DNAAF1: variants seen among roughly 807,000 people sequenced by gnomAD.
DNAAF1 encodes dynein assembly factor 1, axonemal.
A neutral mutation model predicts 71.1 loss-of-function variants in DNAAF1; 65 were observed. That is an observed-to-expected ratio of 0.91 (90% CI 0.75 to 1.12). The LOEUF (loss-of-function observed/expected upper bound fraction) is 1.12. Among genes scored for constraint, DNAAF1 ranks in the 50% most tolerant of loss-of-function variants. DNAAF1 has a pLI of 0.00. For synonymous variants in DNAAF1, 414 were observed against 354.6 expected, an observed-to-expected ratio of 1.17 and a Z score of -1.88; for missense variants, 1,178 against 899.8, an observed-to-expected ratio of 1.31 and a Z score of -3.96.
intron 9 of DNAAF1, chr16:84,173,496 T>C: frequency 1.0e-6 from 1 of 982,752 alleles, no homozygotes. Flanking sequence ...GTGATCACGG[T>C]CAGAATTCAC....
At chr16:84,162,594 GC>G (rs2087765638) in intron 6 of DNAAF1, among the ~76,000 whole-genome samples, 1 of 151,852 alleles carries the variant, frequency 6.6e-6, no homozygotes, top group African/African-American at 2.4e-5. Context: ...GCGGGGGCGG[GC>G]AGATCACCAG....
intron 2 of DNAAF1, 38 bp downstream of exon 2, chr16:84,149,180 A>C: frequency 6.2e-7 from 1 of 1,613,140 alleles, no homozygotes; most frequent in South Asian, 1.1e-5. Context: ...ACATTTATGG[A>C]GTAAGGTAGA....
chr16:84,150,821 C>T (rs1207046323), intron 3 of DNAAF1, among the ~76,000 whole-genome samples: 1 of 152,096 alleles, frequency 6.6e-6, no homozygotes, highest in Non-Finnish European at 1.5e-5. Context: ...GCCATGTTGG[C>T]CATTCTGGTC....
At chr16:84,152,176 G>A (rs1393934834) in intron 3 of DNAAF1, among the ~76,000 whole-genome samples, 1 of 152,170 alleles carries the variant, frequency 6.6e-6, no homozygotes, top group Non-Finnish European at 1.5e-5. Flanking sequence ...TGGGATCCAG[G>A]GGAGAGCAAC....
chr16:84,154,486 C>T lies in DNAAF1; in HGVS notation c.353-91C>T, dbSNP rs186806174. On this transcript the variant is annotated intron_variant, in intron 3 of 11. Coordinates refer to ENST00000378553, the MANE Select transcript of DNAAF1 (RefSeq NM_178452.6). ...TGAATTTTGAAGGGACACAGACATT[C>T]AGTTCCTAATAGTAGGCAAAAACAA... is the stretch of plus-strand genomic sequence containing the variant. 73 of 1,070,870 alleles carry T rather than the reference C, an allele frequency of 6.8e-5. No homozygotes were observed. The African/African-American group carries it at 1.1e-3, about 15-fold the overall frequency. The allele number at this position is 1,070,870 out of a possible 1,614,324, so 66.3% of individuals were successfully genotyped here. A position where few individuals can be genotyped will look rare whatever the true frequency, so the allele number is the denominator to read the frequency against.
intron 1 of DNAAF1, among the ~76,000 whole-genome samples, chr16:84,147,059 G>A (rs1313490336): frequency 6.6e-6 from 1 of 152,132 alleles, no homozygotes; most frequent in Non-Finnish European, 1.5e-5. Flanking sequence ...TATGGCTGTT[G>A]GCCCAGAGCT....
chr16:84,161,240 G>A (rs1029698520), intron 6 of DNAAF1, among the ~76,000 whole-genome samples: 20 of 152,212 alleles, frequency 1.3e-4, no homozygotes, highest in African/African-American at 4.8e-4. Context: ...GGGCTCCTAG[G>A]AGTGAACCAG....
chr16:84,163,377 C>T (rs7359438), intron 6 of DNAAF1, among the ~76,000 whole-genome samples: 2 of 131,768 alleles, frequency 1.5e-5, no homozygotes, highest in Non-Finnish European at 3.3e-5. Context: ...CTCTCTCTCT[C>T]TTTTTCTTTT....
rs753194279 is a variant in DNAAF1 at position 84,165,897 on chromosome 16, G to T, written c.978G>T (p.Met326Ile). The T allele has an allele frequency of 4.3e-6, 7 of 1,613,548 alleles. No individual in the cohort carries two copies. In the African/African-American group the frequency reaches 8.0e-5, roughly 18 times the overall value. The change falls in exon 7 of 12, where the codon ATG becomes ATT. Residue 326 changes from methionine (M) to isoleucine (I), a missense_variant. Coordinates refer to ENST00000378553, the MANE Select transcript of DNAAF1 (RefSeq NM_178452.6). ...KITDSIEALA[M>I]IKQRAEERKR... The stretch of plus-strand genomic sequence containing the variant: ...CAGACAGCATTGAAGCCTTGGCCAT[G>T]ATCAAGCAGCGGGCAGAGGAGAGGA...
intron 2 of DNAAF1, among the ~76,000 whole-genome samples, chr16:84,149,666 G>A (rs890515213): frequency 1.7e-4 from 25 of 145,610 alleles, no homozygotes; most frequent in African/African-American, 4.9e-4. Flanking sequence ...ACTCCAGCCC[G>A]GGCGGCAGAG....
chr16:84,149,100 A>T lies in DNAAF1; in HGVS notation c.218A>T (p.His73Leu), dbSNP rs2087061568. The T allele has an allele frequency of 2.4e-5, 38 of 1,614,160 alleles. No individual in the cohort carries two copies. Among genetic ancestry groups the T allele is most frequent in the Non-Finnish European group, 3.2e-5 (38 of 1,180,042 alleles). Residue 73 changes from histidine (H) to leucine (L), a missense_variant, in exon 2 of 12, where the codon CAC becomes CTC. Coordinates refer to ENST00000378553, the MANE Select transcript of DNAAF1 (RefSeq NM_178452.6). ...KQSGDNGSGG[H>L]FAHPREDRED... ...AGTGGTGATAATGGGTCAGGTGGTCACTTCGCACACCCAAGAGAAGACAGG... is the reference window on the plus strand; with the variant it reads ...AGTGGTGATAATGGGTCAGGTGGTCTCTTCGCACACCCAAGAGAAGACAGG...
chr16:84,169,666 C>A (rs1156482376), intron 7 of DNAAF1, among the ~76,000 whole-genome samples, 193 bp from the exon 8 acceptor site: 1 of 152,118 alleles, frequency 6.6e-6, no homozygotes, highest in Non-Finnish European at 1.5e-5. Context: ...AGTGATCCAC[C>A]CTCCTCGGCC....
At chr16:84,152,857 T>C (rs2087248752) in intron 3 of DNAAF1, among the ~76,000 whole-genome samples, 1 of 151,290 alleles carries the variant, frequency 6.6e-6, no homozygotes, top group Admixed American at 6.6e-5. Context: ...CTCAGGAGGC[T>C]GAGACAGGAG....
At position 84,165,926 on chromosome 16, in the gene DNAAF1, G is replaced by A. The variant is rs1029568409; in HGVS notation, c.1007G>A (p.Arg336Lys). 28 of 1,612,896 alleles carry A rather than the reference G, an allele frequency of 1.7e-5. No homozygotes were observed. Among genetic ancestry groups the A allele is most frequent in the Non-Finnish European group, 2.2e-5 (26 of 1,179,792 alleles). Reference protein sequence around the residue: ...MIKQRAEERKRQRESQERGEM... With the variant: ...MIKQRAEERKKQRESQERGEM... ...AAGCAGCGGGCAGAGGAGAGGAAAA[G>A]ACAGAGAGAGAGTCAAGAGAGAGGT... Residue 336 changes from arginine (R) to lysine (K), a missense_variant, in exon 7 of 12, where the codon AGA becomes AAA. Coordinates refer to ENST00000378553, the MANE Select transcript of DNAAF1 (RefSeq NM_178452.6).
chr16:84,155,524 C>G, intron 4 of DNAAF1, 59 bp from the exon 5 acceptor site: 1 of 1,586,416 alleles, frequency 6.3e-7, no homozygotes, highest in Non-Finnish European at 8.6e-7. Context: ...ACCACTGTGC[C>G]TGGCCCAAGA....
chr16:84,154,908 CT>C lies in DNAAF1; in HGVS notation c.574+118del, dbSNP rs201980773. The stretch of plus-strand genomic sequence containing the variant: ...GGCAAGAAGTGGTGTTTTTTTTTGT[CT>C]TTTTTTTGTTTTTTTTTGAGACAGA... On this transcript the variant is annotated intron_variant, in intron 4 of 11. Transcript: ENST00000378553. The C allele has an allele frequency of 6.3e-5, 64 of 1,023,674 alleles. 1 individual carries two copies. The highest frequency in any genetic ancestry group is 2.3e-4 in the South Asian group (17 of 72,622). The allele number at this position is 1,023,674 out of a possible 1,614,324, so 63.4% of individuals were successfully genotyped here. A position where few individuals can be genotyped will look rare whatever the true frequency, so the allele number is the denominator to read the frequency against.
chr16:84,170,252 T>C lies in DNAAF1; in HGVS notation c.1424T>C (p.Leu475Pro), dbSNP rs2088258123. The C allele has an allele frequency of 1.2e-6, 2 of 1,605,338 alleles. No individual in the cohort carries two copies. The highest frequency in any genetic ancestry group is 4.5e-5 in the East Asian group (2 of 44,382). The change falls in exon 8 of 12, where the codon CTG becomes CCG. Residue 475 changes from leucine (L) to proline (P), a missense_variant. Coordinates refer to ENST00000378553, the MANE Select transcript of DNAAF1 (RefSeq NM_178452.6). ...ACCCTCCCAGCTGAGACCCTGCTAC[T>C]GTCACCGCCTGTGAAGGTTAAAGGA... is the stretch of plus-strand genomic sequence containing the variant. ...EGTLPAETLL[L>P]SPPVKVKGED...
At chr16:84,159,171 C>A (rs2087583035) in intron 5 of DNAAF1, 4 of 1,001,192 alleles carry the variant, frequency 4.0e-6, no homozygotes, top group South Asian at 8.6e-5. Flanking sequence ...GAGCTGTAAG[C>A]CGAGGAAGAA....
intron 5 of DNAAF1, 115 bp downstream of exon 5, chr16:84,155,864 T>C (rs2087402377): frequency 7.4e-7 from 1 of 1,347,738 alleles, no homozygotes; most frequent in Non-Finnish European, 1.0e-6. Context: ...CTTCCCTTTT[T>C]CACACTTTTT....
Sources: allele counts gnomAD v4.1 joint callset (sites outside exome capture counted in the v4.1 genomes callset), GRCh38; gene constraint gnomAD v4.1.1; transcripts MANE v1.5; gene names NCBI Gene and HGNC (gene_info 2026-07-23, HGNC 2026-07-21).